Variants in SGPP2 observed in about 807,000 individuals in gnomAD.
SGPP2 encodes sphingosine 1-phosphate phosphohydrolase 2.
SGPP2 carries 30 observed loss-of-function variants against 33.9 expected under a neutral mutation model. That is an observed-to-expected ratio of 0.89 (90% CI 0.66 to 1.20). The LOEUF (loss-of-function observed/expected upper bound fraction) is 1.20. Ranked by LOEUF, SGPP2 falls within the 50% of genes most tolerant of loss-of-function variation. The probability of loss-of-function intolerance (pLI) is 0.00; values close to 1 mark genes in which losing one functional copy is unlikely to be tolerated. For synonymous variants in SGPP2, 233 were observed against 225.0 expected (o/e 1.04, Z -0.32); for missense variants, 458 against 532.1 (o/e 0.86, Z 1.37).
chr2:222,546,824 G>GC (rs1689209378), intron 4 of SGPP2, among the ~76,000 whole-genome samples: 1 of 97,968 alleles, frequency 1.0e-5, no homozygotes, highest in African/African-American at 4.9e-5. Context: ...TACACATGTT[G>GC]CAAAAAAAAA....
At chr2:222,535,401 G>C (rs1489728586) in intron 4 of SGPP2, among the ~76,000 whole-genome samples, 1 of 151,774 alleles carries the variant, frequency 6.6e-6, no homozygotes, top group African/African-American at 2.4e-5. Context: ...AAGCCACAGT[G>C]GGGGCACTGT....
chr2:222,534,550 C>T (rs74271689), intron 4 of SGPP2, among the ~76,000 whole-genome samples: 3,541 of 152,130 alleles, frequency 0.023, 103 homozygotes, highest in African/African-American at 0.066. Flanking sequence ...CCATACAAAA[C>T]TGTGTTCTGG....
chr2:222,531,139 A>G (rs1449366483), intron 4 of SGPP2, among the ~76,000 whole-genome samples: 1 of 152,206 alleles, frequency 6.6e-6, no homozygotes, highest in Non-Finnish European at 1.5e-5. Context: ...TGTGTCTCAG[A>G]GCATAGGGAG....
rs1697952850 is a variant in SGPP2 at position 222,477,161 on chromosome 2, GTA to G, written c.378+2438_378+2439del. Among the ~76,000 whole-genome samples, 1 of 150,878 alleles carries G rather than the reference GTA, an allele frequency of 6.6e-6. No homozygotes were observed. The highest frequency in any genetic ancestry group is 2.4e-5 in the African/African-American group (1 of 41,008). On this transcript the variant is annotated intron_variant, in intron 2 of 4. Transcript: ENST00000321276. The surrounding 1 kb of genome is among the most constrained non-coding windows in gnomAD (Gnocchi z 6.0). ...TAGGTGTGTATATATCTGTGTGTGTGTATAGGTGTGTGTATATGTGTATGTGT... is the reference window on the plus strand; with the variant it reads ...TAGGTGTGTATATATCTGTGTGTGTGTAGGTGTGTGTATATGTGTATGTGT...
At chr2:222,530,795 C>T (rs779215070) in intron 4 of SGPP2, among the ~76,000 whole-genome samples, 5 of 152,144 alleles carry the variant, frequency 3.3e-5, no homozygotes, top group African/African-American at 1.2e-4. Flanking sequence ...CTGTTTGGTA[C>T]AAGAGGCTTA....
chr2:222,528,805 C>T (rs948407568), intron 4 of SGPP2, among the ~76,000 whole-genome samples: 1 of 152,106 alleles, frequency 6.6e-6, no homozygotes, highest in African/African-American at 2.4e-5. Context: ...TTATTAGAGA[C>T]AGTGTCTCAC....
In SGPP2 at chr2:222,521,927, C is replaced by G; in HGVS notation, c.539C>G (p.Ser180Cys). Residue 180 changes from serine to cysteine, a missense_variant, in exon 3 of 5, where the codon TCT (serine) becomes TGT (cysteine). Ser to Cys is a moderately radical substitution (Grantham distance 112, BLOSUM62 -1). Coordinates refer to ENST00000321276, the MANE Select transcript of SGPP2 (RefSeq NM_152386.4). ...GCCATTGCCTTCACCCTCCTTATCT[C>G]TACTATGGACAGATACCAGGTAAGG... ...ATAIAFTLLI[S>C]TMDRYQYPFV... 1.9e-6 allele frequency: 3 copies of G among 1,557,160 alleles called. No homozygotes were observed. Among genetic ancestry groups the G allele is most frequent in the South Asian group, 2.4e-5 (2 of 82,322 alleles).
At chr2:222,544,603 T>C (rs1689144422) in intron 4 of SGPP2, among the ~76,000 whole-genome samples, 1 of 152,222 alleles carries the variant, frequency 6.6e-6, no homozygotes. Flanking sequence ...TTGTTATGCT[T>C]TATCATTTAG....
At chr2:222,470,891 C>T (rs79539325) in intron 1 of SGPP2, among the ~76,000 whole-genome samples, 4 of 152,122 alleles carry the variant, frequency 2.6e-5, no homozygotes, top group East Asian at 1.9e-4. Context: ...CAGAACCTGC[C>T]GAGATTAGTC....
chr2:222,487,998 G>A (rs1042925062), intron 2 of SGPP2, among the ~76,000 whole-genome samples: 1 of 152,108 alleles, frequency 6.6e-6, no homozygotes, highest in South Asian at 2.1e-4. Context: ...CCACACATTG[G>A]CCACTCCTGG....
chr2:222,470,151 AAATACCTAATGCATGCGGGGCT>A (rs1697816444), intron 1 of SGPP2, among the ~76,000 whole-genome samples: 1 of 152,174 alleles, frequency 6.6e-6, no homozygotes, highest in South Asian at 2.1e-4. Context: ...GTAGCAGGGC[AAATACCTAATGCATGCGGGGCT>A]TAAAACCTAA....
At chr2:222,527,919 C>A (rs1298599577) in intron 4 of SGPP2, among the ~76,000 whole-genome samples, 1 of 152,158 alleles carries the variant, frequency 6.6e-6, no homozygotes, top group Non-Finnish European at 1.5e-5. Context: ...GGAATGAGAT[C>A]TGGGAGCTCT....
intron 1 of SGPP2, among the ~76,000 whole-genome samples, chr2:222,426,262 A>AC (rs1277152334): frequency 6.6e-6 from 1 of 152,046 alleles, no homozygotes; most frequent in East Asian, 1.9e-4. Flanking sequence ...AAACAAACAA[A>AC]AAACAGTCCC....
Position 222,559,108 on chromosome 2 carries a change from C to T in SGPP2, c.*210C>T. 2.2e-6 allele frequency: 1 copy of T among 460,734 alleles called. No individual in the cohort carries two copies. The highest frequency in any genetic ancestry group is 3.9e-6 in the Non-Finnish European group (1 of 258,836). The allele number at this position is 460,734 out of a possible 1,614,324, so 28.5% of individuals were successfully genotyped here. ...TCGTCCGTGGTGGTTGGTTGTGCTA[C>T]AGTTGAACCCAGGCTAAAGACCATA... is the stretch of plus-strand genomic sequence containing the variant. On this transcript the variant is annotated 3_prime_UTR_variant, in exon 5 of 5. Coordinates refer to ENST00000321276, the MANE Select transcript of SGPP2 (RefSeq NM_152386.4).
intron 4 of SGPP2, among the ~76,000 whole-genome samples, chr2:222,526,128 G>A (rs1698755398): frequency 1.3e-5 from 2 of 152,178 alleles, no homozygotes; most frequent in Admixed American, 6.5e-5. Flanking sequence ...GTTAAAGAGT[G>A]CTAAAAATCT....
intron 1 of SGPP2, among the ~76,000 whole-genome samples, chr2:222,472,449 GAATGCAAAAGTCT>G (rs1382052782): frequency 1.3e-5 from 2 of 152,114 alleles, no homozygotes; most frequent in African/African-American, 4.8e-5. Context: ...TTGGTCACCA[GAATGCAAAAGTCT>G]GGAAAACATC....
At chr2:222,470,717 T>G (rs948969400) in intron 1 of SGPP2, among the ~76,000 whole-genome samples, 1 of 152,206 alleles carries the variant, frequency 6.6e-6, no homozygotes, top group Non-Finnish European at 1.5e-5. Context: ...CAGCGAGGCT[T>G]TTGTTAGAGT....
intron 2 of SGPP2, among the ~76,000 whole-genome samples, chr2:222,479,291 T>C (rs1356665807): frequency 6.6e-6 from 1 of 152,164 alleles, no homozygotes; most frequent in Non-Finnish European, 1.5e-5. Flanking sequence ...TACAATGATT[T>C]GCCCAAAGTT....
chr2:222,438,019 T>C (rs546597371), intron 1 of SGPP2, among the ~76,000 whole-genome samples: 2 of 152,312 alleles, frequency 1.3e-5, no homozygotes, highest in African/African-American at 4.8e-5. Context: ...TGCAGAGCCT[T>C]CTTCTGTTCT....
Sources: gnomAD v4.1 joint callset for allele counts (sites outside exome capture counted in the v4.1 genomes callset) on GRCh38, gnomAD v4.1.1 for gene constraint, Gnocchi (gnomAD v3.1) non-coding constraint, MANE v1.5 for transcripts, NCBI Gene and HGNC (gene_info 2026-07-23, HGNC 2026-07-21) for gene names.